HACD4: variants seen among roughly 807,000 people sequenced by gnomAD.
The protein encoded by HACD4 is 3-hydroxyacyl-CoA dehydratase 4.
A neutral mutation model predicts 33.3 loss-of-function variants in HACD4; 35 were observed. The observed-to-expected ratio is 1.05, with a 90% CI of 0.80 to 1.39. The LOEUF (loss-of-function observed/expected upper bound fraction) is 1.39, where lower values mean the gene tolerates loss of function less well. Among genes scored for constraint, HACD4 ranks in the 40% most tolerant of loss-of-function variants. The pLI, the probability that HACD4 is intolerant of heterozygous loss-of-function variation, is 0.00. For missense variants in HACD4, 323 were observed against 276.5 expected, an observed-to-expected ratio of 1.17 and a Z score of -1.19; for synonymous variants, 118 against 98.0, an observed-to-expected ratio of 1.20 and a Z score of -1.21.
In HACD4 at chr9:20,999,960, T is replaced by G. The variant is rs1842141887; in HGVS notation, c.*7077A>C. On this transcript the variant is annotated 3_prime_UTR_variant, in exon 7 of 7. Transcript: ENST00000495827. ...GTTTAATTTACCATATGTCATTTAG[T>G]CTTCATAATAACTTTAAGTGGTTAA... 1 of 152,176 alleles carries G rather than the reference T, an allele frequency of 6.6e-6. No individual in the cohort carries two copies. Among genetic ancestry groups the G allele is most frequent in the Non-Finnish European group, 1.5e-5 (1 of 68,014 alleles). 9.4% of individuals were successfully genotyped at this position (152,176 alleles called of 1,614,324 possible).
intron 5 of HACD4, among the ~76,000 whole-genome samples, chr9:21,009,402 T>C (rs1336237254): frequency 6.6e-6 from 1 of 152,128 alleles, no homozygotes; most frequent in Non-Finnish European, 1.5e-5. Context: ...TATAAGAACA[T>C]GGCTTTCCTA....
intron 2 of HACD4, among the ~76,000 whole-genome samples, chr9:21,026,927 C>A (rs1818077364): frequency 6.6e-6 from 1 of 152,192 alleles, no homozygotes. Flanking sequence ...ATTTTAATTG[C>A]TCCTGTTCCA....
chr9:21,021,644 A>G (rs1413195977), intron 3 of HACD4, among the ~76,000 whole-genome samples: 3 of 152,188 alleles, frequency 2.0e-5, no homozygotes, highest in African/African-American at 4.8e-5. Context: ...TTCAAAGAGA[A>G]TAAAATACCT....
At position 21,008,114 on chromosome 9, in the gene HACD4, C is replaced by G; in HGVS notation, c.523G>C (p.Glu175Gln). ...TTGGTGGAATAAGTGCCAAATGATTCAAAATAAGGCAGCGATTGATAGATG... is the reference window on the plus strand; with the variant it reads ...TTGGTGGAATAAGTGCCAAATGATTGAAAATAAGGCAGCGATTGATAGATG... ...FAIYQSLPYF[E>Q]SFGTYSTKLP... Residue 175 changes from glutamate (E) to glutamine (Q), a missense_variant, in exon 6 of 7, where the codon GAA (glutamate) becomes CAA (glutamine). Glu to Gln is a conservative substitution (Grantham distance 29). Transcript: ENST00000495827. The G allele has an allele frequency of 6.2e-7, 1 of 1,608,476 alleles. No homozygotes were observed. Among genetic ancestry groups the G allele is most frequent in the Non-Finnish European group, 8.5e-7 (1 of 1,177,480 alleles).
intron 1 of HACD4, among the ~76,000 whole-genome samples, chr9:21,030,306 T>G (rs894468524): frequency 1.4e-5 from 2 of 147,812 alleles, no homozygotes; most frequent in African/African-American, 5.0e-5. Context: ...TGGTAACGTA[T>G]GCCTGTAATC....
intron 3 of HACD4, among the ~76,000 whole-genome samples, chr9:21,023,057 T>G (rs1474971645): frequency 6.6e-6 from 1 of 152,182 alleles, no homozygotes; most frequent in African/African-American, 2.4e-5. Flanking sequence ...GATGAGTTCA[T>G]GTCCTTTGTA....
intron 3 of HACD4, among the ~76,000 whole-genome samples, chr9:21,018,663 G>C (rs1817822366): frequency 6.6e-6 from 1 of 152,134 alleles, no homozygotes; most frequent in South Asian, 2.1e-4. Flanking sequence ...GTGAAAATAT[G>C]ACAAATTACT....
At chr9:21,010,660 C>T (rs1018203369) in intron 5 of HACD4, among the ~76,000 whole-genome samples, 5 of 152,098 alleles carry the variant, frequency 3.3e-5, no homozygotes, top group African/African-American at 1.2e-4. Context: ...AAGCACACAA[C>T]ATTTATTGTG....
In HACD4 at chr9:21,003,455, T is replaced by A. The variant is rs1842199072; in HGVS notation, c.*3582A>T. On this transcript the variant is annotated 3_prime_UTR_variant, in exon 7 of 7. Coordinates refer to ENST00000495827, the MANE Select transcript of HACD4 (RefSeq NM_001010915.5). ...TATGTTCTCCTTGCACACTAAAGCT[T>A]TTCATAATTTTTCTGAAATTTAGAA... 6.6e-6 allele frequency: 1 copy of A among 152,190 alleles called. No individual in the cohort carries two copies. Among genetic ancestry groups the A allele is most frequent in the Admixed American group, 6.5e-5 (1 of 15,286 alleles). 9.4% of individuals were successfully genotyped at this position (152,190 alleles called of 1,614,324 possible).
chr9:21,026,485 T>C (rs914048113), intron 3 of HACD4, 111 bp downstream of exon 3: 22 of 815,232 alleles, frequency 2.7e-5, no homozygotes, highest in African/African-American at 2.1e-4. Flanking sequence ...TCCTTATCAG[T>C]GACCTAAGAC....
intron 3 of HACD4, among the ~76,000 whole-genome samples, chr9:21,023,430 C>T (rs1817978717): frequency 6.6e-6 from 1 of 152,136 alleles, no homozygotes; most frequent in Admixed American, 6.5e-5. Flanking sequence ...AACCTATCCC[C>T]TGTGGACACA....
Position 21,015,549 on chromosome 9 carries a change from T to C in HACD4, c.383+349A>G, listed in dbSNP as rs76668242. ...AGAAACTAACTGTAAATTCTGGTGA[T>C]ACAATAAAAGACCTGCTTTGCTTAT... On this transcript the variant is annotated intron_variant, in intron 4 of 6. Transcript: ENST00000495827. 3.6e-3 allele frequency: 600 copies of C among 165,530 alleles called. 5 individuals carry two copies. Among genetic ancestry groups the C allele is most frequent in the African/African-American group, 0.013 (563 of 42,210 alleles). 10.3% of individuals were successfully genotyped at this position (165,530 alleles called of 1,614,324 possible).
chr9:21,008,341 T>C (rs570734602), intron 5 of HACD4, among the ~76,000 whole-genome samples, 195 bp from the exon 6 acceptor site: 1 of 152,302 alleles, frequency 6.6e-6, no homozygotes, highest in African/African-American at 2.4e-5. Flanking sequence ...CTTACAGCAG[T>C]ATGACTTGTT....
At chr9:21,023,363 A>G (rs1817976860) in intron 3 of HACD4, among the ~76,000 whole-genome samples, 1 of 152,180 alleles carries the variant, frequency 6.6e-6, no homozygotes, top group Non-Finnish European at 1.5e-5. Context: ...AACTTAAAGT[A>G]TAATTTAAAA....
At chr9:21,031,414 A>G in intron 1 of HACD4, 139 bp downstream of exon 1, 1 of 1,306,960 alleles carries the variant, frequency 7.7e-7, no homozygotes, top group African/African-American at 1.6e-5. Context: ...ATGAGCTCCA[A>G]GGGGTGCCTG....
intron 3 of HACD4, among the ~76,000 whole-genome samples, chr9:21,023,123 AAAAC>A (rs1167916754): frequency 6.6e-6 from 1 of 151,792 alleles, no homozygotes. Context: ...CAAGGACAGA[AAAAC>A]AAACACCACA....
chr9:21,000,092 C>T lies in HACD4; in HGVS notation c.*6945G>A, dbSNP rs143858766. 7.2e-5 allele frequency: 11 copies of T among 152,214 alleles called. No individual in the cohort carries two copies. Among genetic ancestry groups the T allele is most frequent in the East Asian group, 3.9e-4 (2 of 5,186 alleles). 9.4% of individuals were successfully genotyped at this position (152,214 alleles called of 1,614,324 possible). A position where few individuals can be genotyped will look rare whatever the true frequency, so the allele number is the denominator to read the frequency against. On this transcript the variant is annotated 3_prime_UTR_variant, in exon 7 of 7. Transcript: ENST00000495827. Reference sequence around the variant, plus strand: ...ACCACATTATCTTTCACAAGAACCCCATCATTCAGCTGAATACCATGAAGT... The same window carrying T: ...ACCACATTATCTTTCACAAGAACCCTATCATTCAGCTGAATACCATGAAGT...
intron 3 of HACD4, among the ~76,000 whole-genome samples, chr9:21,025,197 T>C (rs1024666705): frequency 6.6e-6 from 1 of 152,176 alleles, no homozygotes; most frequent in African/African-American, 2.4e-5. Context: ...TTTCAACATT[T>C]TAAATGTCTT....
At chr9:21,025,168 T>G (rs2132797990) in intron 3 of HACD4, among the ~76,000 whole-genome samples, 1 of 152,278 alleles carries the variant, frequency 6.6e-6, no homozygotes, top group South Asian at 2.1e-4. Flanking sequence ...TTACCCTAAC[T>G]TTTATTTTAT....
Sources: gnomAD v4.1 joint callset for allele counts (sites outside exome capture counted in the v4.1 genomes callset) on GRCh38, gnomAD v4.1.1 for gene constraint, MANE v1.5 for transcripts, NCBI Gene and HGNC (gene_info 2026-07-23, HGNC 2026-07-21) for gene names.